The following METTL8 variants were observed in gnomAD, a reference collection of about 807,000 sequenced individuals.
The protein encoded by METTL8 is tRNA N(3)-cytidine methyltransferase METTL8, mitochondrial.
METTL8 carries 32 observed loss-of-function variants against 48.7 expected under a neutral mutation model. The observed-to-expected ratio is 0.66, with a 90% CI of 0.50 to 0.88. The LOEUF (loss-of-function observed/expected upper bound fraction) is 0.88, where lower values mean the gene tolerates loss of function less well. METTL8 is among the 40% of genes least tolerant of loss of function. The probability of loss-of-function intolerance (pLI) is 0.00; values close to 1 mark genes in which losing one functional copy is unlikely to be tolerated. For missense variants in METTL8, 464 were observed against 474.4 expected (o/e 0.98, Z 0.20); for synonymous variants, 136 against 157.1 (o/e 0.87, Z 1.01).
chr2:171,409,163 A>G (rs182595941), intron 1 of METTL8, among the ~76,000 whole-genome samples: 14 of 152,352 alleles, frequency 9.2e-5, no homozygotes, highest in Admixed American at 9.2e-4. Flanking sequence ...CGGGACTTGA[A>G]GTTGAGATTA....
At chr2:171,414,263 C>T (rs552771176) in intron 1 of METTL8, among the ~76,000 whole-genome samples, 56 of 151,870 alleles carry the variant, frequency 3.7e-4, no homozygotes, top group East Asian at 2.1e-3. Context: ...ACTAAAAATA[C>T]GAAATTAGCT....
intron 2 of METTL8, among the ~76,000 whole-genome samples, chr2:171,382,034 G>A (rs574236863): frequency 6.6e-6 from 1 of 151,980 alleles, no homozygotes; most frequent in African/African-American, 2.4e-5. Flanking sequence ...CGCCCACCTT[G>A]GCCTCCCAAA....
intron 1 of METTL8, among the ~76,000 whole-genome samples, chr2:171,408,626 A>G (rs931030991): frequency 6.6e-6 from 1 of 152,062 alleles, no homozygotes. Context: ...CCTTAATAGC[A>G]GAAATATCCC....
chr2:171,401,467 G>T (rs1260778393), intron 1 of METTL8, among the ~76,000 whole-genome samples: 2 of 152,134 alleles, frequency 1.3e-5, no homozygotes, highest in Non-Finnish European at 2.9e-5. Flanking sequence ...AGAGCATTTT[G>T]ATCACACTAT....
intron 3 of METTL8, among the ~76,000 whole-genome samples, chr2:171,357,521 G>A (rs745575370): frequency 6.6e-6 from 1 of 152,034 alleles, no homozygotes; most frequent in South Asian, 2.1e-4. Context: ...ATTCTTAAAA[G>A]AAATTAAAAA....
rs1196544714 is a variant in METTL8 at position 171,392,127 on chromosome 2, CTG to C, written c.57_58del (p.His19GlnfsTer19). On this transcript the variant is annotated frameshift_variant, in exon 2 of 10. Coordinates refer to ENST00000375258, the MANE Select transcript of METTL8 (RefSeq NM_001321154.2). LOFTEE classifies it high-confidence loss of function. ...CACTGGGTGGTAACCACTTTGGTATCTGTGTGGCACCTTTCCTAGCCTTAGAC... is the reference window on the plus strand; with the variant it reads ...CACTGGGTGGTAACCACTTTGGTATCTGTGGCACCTTTCCTAGCCTTAGAC... 2 of 1,551,658 alleles carry C rather than the reference CTG, an allele frequency of 1.3e-6. No individual in the cohort carries two copies. The highest frequency in any genetic ancestry group is 1.7e-6 in the Non-Finnish European group (2 of 1,146,952).
intron 3 of METTL8, among the ~76,000 whole-genome samples, chr2:171,354,318 C>T (rs531751707): frequency 6.6e-5 from 10 of 152,250 alleles, no homozygotes; most frequent in South Asian, 4.1e-4. Flanking sequence ...GAGTTTCTGC[C>T]GAGAGATCCG....
At chr2:171,383,150 A>G (rs1015361632) in intron 2 of METTL8, among the ~76,000 whole-genome samples, 2 of 152,166 alleles carry the variant, frequency 1.3e-5, no homozygotes, top group Admixed American at 6.6e-5. Context: ...AGAACCATAT[A>G]TGAAACAGGG....
chr2:171,418,642 C>A (rs530310863), intron 1 of METTL8, among the ~76,000 whole-genome samples: 1 of 152,044 alleles, frequency 6.6e-6, no homozygotes, highest in South Asian at 2.1e-4. Flanking sequence ...TTATTTTGAG[C>A]TTTGGCCATT....
At chr2:171,408,279 A>G (rs1347516193) in intron 1 of METTL8, among the ~76,000 whole-genome samples, 2 of 150,736 alleles carry the variant, frequency 1.3e-5, no homozygotes, top group African/African-American at 4.9e-5. Context: ...TGTTCCAGAG[A>G]ATTCTACAGT....
At chr2:171,375,823 T>G (rs1686907141) in intron 2 of METTL8, among the ~76,000 whole-genome samples, 3 of 152,184 alleles carry the variant, frequency 2.0e-5, no homozygotes, top group Non-Finnish European at 4.4e-5. Flanking sequence ...TATTAAATGA[T>G]TCTGTTTATA....
intron 2 of METTL8, 51 bp from the exon 3 acceptor site, chr2:171,360,564 GA>G: frequency 6.0e-6 from 9 of 1,489,608 alleles, no homozygotes; most frequent in Non-Finnish European, 5.5e-6. Context: ...GAAGAAGGCA[GA>G]AAAAAGGTGA....
chr2:171,400,806 AG>A (rs1378980539), intron 1 of METTL8, among the ~76,000 whole-genome samples: 1 of 152,150 alleles, frequency 6.6e-6, no homozygotes, highest in Admixed American at 6.6e-5. Flanking sequence ...ATACTACTAG[AG>A]GAACACCAAA....
intron 1 of METTL8, among the ~76,000 whole-genome samples, chr2:171,429,790 A>C (rs1382811158): frequency 2.6e-5 from 4 of 152,222 alleles, no homozygotes; most frequent in Admixed American, 2.0e-4. Context: ...CTGTAATCCC[A>C]GCAGTTTGGG....
intron 3 of METTL8, among the ~76,000 whole-genome samples, chr2:171,343,056 A>G (rs980507888): frequency 5.3e-5 from 8 of 152,228 alleles, no homozygotes; most frequent in Non-Finnish European, 1.0e-4. Context: ...ATTAGGAAAA[A>G]GTGGGGAAAA....
intron 2 of METTL8, among the ~76,000 whole-genome samples, chr2:171,371,980 A>G (rs1686409173): frequency 6.6e-6 from 1 of 152,062 alleles, no homozygotes; most frequent in Non-Finnish European, 1.5e-5. Context: ...TGAGTGAGCC[A>G]CAACACCAGC....
At chr2:171,406,987 C>T (rs1213526649) in intron 1 of METTL8, among the ~76,000 whole-genome samples, 1 of 151,938 alleles carries the variant, frequency 6.6e-6, no homozygotes, top group African/African-American at 2.4e-5. Flanking sequence ...CCTCTACTAC[C>T]TAGTTTGTGG....
At chr2:171,348,407 T>C (rs545600866) in intron 3 of METTL8, among the ~76,000 whole-genome samples, 11 of 152,304 alleles carry the variant, frequency 7.2e-5, no homozygotes, top group Admixed American at 7.2e-4. Context: ...AGTGTGTCTG[T>C]GTTCCAATAA....
intron 6 of METTL8, among the ~76,000 whole-genome samples, chr2:171,331,362 G>A (rs1014156797): frequency 6.6e-6 from 1 of 150,686 alleles, no homozygotes; most frequent in African/African-American, 2.4e-5. Context: ...GCCTGCCTCG[G>A]CCTCCCAAAG....
Sources: gnomAD v4.1 joint callset for allele counts (sites outside exome capture counted in the v4.1 genomes callset) on GRCh38, gnomAD v4.1.1 for gene constraint, MANE v1.5 for transcripts, NCBI Gene and HGNC (gene_info 2026-07-23, HGNC 2026-07-21) for gene names.